Variants in CSMD1 observed in about 807,000 individuals in gnomAD.
CSMD1 encodes the protein CUB and Sushi multiple domains 1, also known as CUB and sushi domain-containing protein 1.
CSMD1 carries 213 observed loss-of-function variants against 417.5 expected under a neutral mutation model. That is an observed-to-expected ratio of 0.51 (90% CI 0.46 to 0.57). CSMD1 has a LOEUF of 0.57. Ranked by LOEUF, CSMD1 falls within the 20% of genes least tolerant of loss-of-function variation. The pLI is 0.00. For missense variants in CSMD1, 6,923 were observed against 4,529.7 expected (o/e 1.53, Z -15.17); for synonymous variants, 2,862 against 1,736.8 (o/e 1.65, Z -16.11).
chr8:3,461,309 G>C (rs1278557262), intron 12 of CSMD1, among the ~76,000 whole-genome samples: 1 of 152,214 alleles, frequency 6.6e-6, no homozygotes, highest in African/African-American at 2.4e-5. Flanking sequence ...ATGAGGGAAT[G>C]CGCTTCTGAA....
intron 3 of CSMD1, among the ~76,000 whole-genome samples, chr8:4,210,787 G>T (rs150918379): frequency 6.6e-6 from 1 of 152,050 alleles, no homozygotes; most frequent in Non-Finnish European, 1.5e-5. Context: ...GAGTAAATAC[G>T]AGCATATCTA....
intron 25 of CSMD1, among the ~76,000 whole-genome samples, chr8:3,285,846 A>G (rs550250829): frequency 6.6e-6 from 1 of 151,540 alleles, no homozygotes; most frequent in South Asian, 2.1e-4. Flanking sequence ...TTTTATTATT[A>G]TTATACTTTA....
intron 5 of CSMD1, among the ~76,000 whole-genome samples, chr8:3,799,126 T>C (rs982814979): frequency 1.3e-5 from 2 of 152,146 alleles, no homozygotes; most frequent in East Asian, 1.9e-4. Flanking sequence ...CATAGTTTAA[T>C]AGTTTTATTT....
chr8:4,193,945 C>G (rs1035709818), intron 3 of CSMD1, among the ~76,000 whole-genome samples: 2 of 151,720 alleles, frequency 1.3e-5, no homozygotes, highest in African/African-American at 4.8e-5. Flanking sequence ...GGAGGTGGGG[C>G]TGCAGGTAAT....
intron 6 of CSMD1, among the ~76,000 whole-genome samples, 186 bp downstream of exon 6, chr8:3,753,744 T>A (rs751388206): frequency 6.6e-6 from 1 of 152,234 alleles, no homozygotes; most frequent in Non-Finnish European, 1.5e-5. Context: ...TATACTGTGA[T>A]AGTGATATAG....
intron 1 of CSMD1, among the ~76,000 whole-genome samples, chr8:4,648,759 C>A (rs547949361): frequency 3.3e-5 from 5 of 152,166 alleles, no homozygotes; most frequent in African/African-American, 1.2e-4. Flanking sequence ...ATGAGGGCTA[C>A]TCCATTATGT....
chr8:3,044,644 A>G (rs1435952117), intron 50 of CSMD1, among the ~76,000 whole-genome samples: 1 of 151,902 alleles, frequency 6.6e-6, no homozygotes, highest in African/African-American at 2.4e-5. Context: ...GAAAAAAAAA[A>G]GGGACCTCAA....
intron 4 of CSMD1, among the ~76,000 whole-genome samples, chr8:4,024,816 T>C (rs2130528536): frequency 6.6e-6 from 1 of 152,352 alleles, no homozygotes; most frequent in East Asian, 1.9e-4. Flanking sequence ...TTCCTGAGTA[T>C]GACTTCAGGG....
intron 2 of CSMD1, among the ~76,000 whole-genome samples, chr8:4,420,927 G>C (rs944403163): frequency 6.6e-6 from 1 of 152,008 alleles, no homozygotes; most frequent in South Asian, 2.1e-4. Flanking sequence ...CTGTCTTTTG[G>C]TTTATCACCT....
chr8:3,439,307 A>ATTT (rs1356132702), intron 12 of CSMD1, among the ~76,000 whole-genome samples: 31 of 43,780 alleles, frequency 7.1e-4, no homozygotes, highest in Middle Eastern at 0.011. Flanking sequence ...ATATATATAT[A>ATTT]TATTTTTTTT....
chr8:4,456,338 G>A (rs115095291), intron 2 of CSMD1, among the ~76,000 whole-genome samples: 8 of 152,282 alleles, frequency 5.3e-5, no homozygotes, highest in East Asian at 1.9e-4. Flanking sequence ...TAGTCATAGA[G>A]CAGGAACATG....
chr8:3,785,523 T>A lies in CSMD1; in HGVS notation c.819-31481A>T, dbSNP rs535634440. ...CATTAACGGCAGTCAAACACCTAGG[T>A]GTACTTCCACAAACACAATCAGGGC... On this transcript the variant is annotated intron_variant, in intron 5 of 69. Coordinates refer to ENST00000635120, the MANE Select transcript of CSMD1 (RefSeq NM_033225.6). 2.0e-4 allele frequency among the ~76,000 whole-genome samples: 31 copies of A among 152,316 alleles called. 1 individual carries two copies. The South Asian group carries it at 4.8e-3, about 23-fold the overall frequency.
At chr8:3,181,236 G>C (rs1177464753) in intron 36 of CSMD1, 22 bp from the exon 37 acceptor site, 4 of 1,490,346 alleles carry the variant, frequency 2.7e-6, no homozygotes, top group Non-Finnish European at 3.7e-6. Context: ...AATGCAGATA[G>C]AATTGTAACA....
intron 3 of CSMD1, among the ~76,000 whole-genome samples, chr8:4,378,870 C>G (rs1246672086): frequency 6.6e-6 from 1 of 152,158 alleles, no homozygotes; most frequent in African/African-American, 2.4e-5. Flanking sequence ...AGAGAGTCAG[C>G]CCTTTCTCTA....
intron 5 of CSMD1, among the ~76,000 whole-genome samples, chr8:3,915,042 G>C (rs1255843164): frequency 1.3e-5 from 2 of 152,108 alleles, no homozygotes; most frequent in Non-Finnish European, 2.9e-5. Flanking sequence ...AACACATCCA[G>C]GGATACAGGC....
At chr8:2,979,562 C>T (rs1385110983) in intron 54 of CSMD1, among the ~76,000 whole-genome samples, 1 of 152,234 alleles carries the variant, frequency 6.6e-6, no homozygotes, top group East Asian at 1.9e-4. Context: ...GTTCCAGAGG[C>T]CACAGTCTCT....
intron 5 of CSMD1, among the ~76,000 whole-genome samples, chr8:3,894,899 G>T (rs1159946543): frequency 2.0e-5 from 3 of 152,152 alleles, no homozygotes; most frequent in Admixed American, 6.5e-5. Context: ...TAAAATTACA[G>T]TGGGTTCCTA....
At chr8:4,313,223 C>A (rs538457374) in intron 3 of CSMD1, among the ~76,000 whole-genome samples, 1 of 152,022 alleles carries the variant, frequency 6.6e-6, no homozygotes, top group South Asian at 2.1e-4. Context: ...AGCTTAACAA[C>A]CCTGAAAAAA....
chr8:3,177,253 T>A (rs1456360457), intron 37 of CSMD1, among the ~76,000 whole-genome samples: 1 of 151,762 alleles, frequency 6.6e-6, no homozygotes, highest in African/African-American at 2.4e-5. Context: ...GCATGGGGAG[T>A]GTGCCCTTCC....
Sources: allele counts gnomAD v4.1 joint callset (sites outside exome capture counted in the v4.1 genomes callset), GRCh38; gene constraint gnomAD v4.1.1; transcripts MANE v1.5; gene names NCBI Gene and HGNC (gene_info 2026-07-23, HGNC 2026-07-21).